NCKAP5: variants seen among roughly 807,000 people sequenced by gnomAD.
The protein encoded by NCKAP5 is NCK associated protein 5, also known as nck-associated protein 5.
A neutral mutation model predicts 167.0 loss-of-function variants in NCKAP5; 92 were observed. That is an observed-to-expected ratio of 0.55 (90% confidence interval 0.47 to 0.66). The LOEUF is 0.66. NCKAP5 is among the 30% of genes least tolerant of loss of function. NCKAP5 has a pLI of 0.00. For missense variants in NCKAP5, 2,378 were observed against 2,315.0 expected, an observed-to-expected ratio of 1.03 and a Z score of -0.56; for synonymous variants, 891 against 877.4, an observed-to-expected ratio of 1.02 and a Z score of -0.27.
intron 8 of NCKAP5, among the ~76,000 whole-genome samples, chr2:132,883,688 G>T (rs1411720644): frequency 1.3e-5 from 2 of 152,164 alleles, no homozygotes; most frequent in Non-Finnish European, 2.9e-5. Context: ...GGTGCCCTCT[G>T]CTTTCCATCT....
chr2:132,677,687 C>T (rs1684670564), intron 19 of NCKAP5, among the ~76,000 whole-genome samples: 1 of 152,024 alleles, frequency 6.6e-6, no homozygotes, highest in African/African-American at 2.4e-5. Context: ...GAGGGTCTCT[C>T]CCTTTGGGGA....
intron 3 of NCKAP5, among the ~76,000 whole-genome samples, chr2:133,361,320 AT>A: frequency 6.6e-6 from 1 of 152,304 alleles, no homozygotes; most frequent in Middle Eastern, 3.4e-3. Context: ...GAGGAAGAAG[AT>A]GTCAAAGTAT....
chr2:132,709,966 T>C (rs72987762), intron 19 of NCKAP5, among the ~76,000 whole-genome samples: 3,522 of 152,220 alleles, frequency 0.023, 123 homozygotes, highest in African/African-American at 0.08. Context: ...TCAATATAGA[T>C]ACAGAAATCT....
intron 17 of NCKAP5, 110 bp from the exon 18 acceptor site, chr2:132,729,062 CA>C: frequency 7.0e-7 from 1 of 1,435,232 alleles, no homozygotes; most frequent in South Asian, 1.3e-5. Flanking sequence ...GGTCCAAATA[CA>C]GTGAAAGCTG....
chr2:133,153,131 G>C (rs570878563), intron 5 of NCKAP5, among the ~76,000 whole-genome samples: 1 of 152,274 alleles, frequency 6.6e-6, no homozygotes, highest in East Asian at 1.9e-4. Context: ...CAGAGCTAGG[G>C]GTCATGGATG....
the NCKAP5 span, among the ~76,000 whole-genome samples, chr2:133,609,117 C>T: frequency 6.6e-6 from 1 of 152,162 alleles, no homozygotes; most frequent in South Asian, 2.1e-4. Flanking sequence ...ATTCACGAGC[C>T]AGGCATCAGA....
intron 3 of NCKAP5, among the ~76,000 whole-genome samples, chr2:133,394,227 C>A (rs566301081): frequency 6.6e-6 from 1 of 152,182 alleles, no homozygotes; most frequent in African/African-American, 2.4e-5. Context: ...TAGGTGCTAG[C>A]GAACTAAAAA....
At chr2:133,021,654 C>T (rs116558895) in intron 6 of NCKAP5, among the ~76,000 whole-genome samples, 2,314 of 152,234 alleles carry the variant, frequency 0.015, 62 homozygotes, top group African/African-American at 0.053. Flanking sequence ...TTTTCAGAGA[C>T]AGAGTCTTGC....
At chr2:133,185,447 C>CT (rs1315604782) in intron 5 of NCKAP5, among the ~76,000 whole-genome samples, 1 of 151,836 alleles carries the variant, frequency 6.6e-6, no homozygotes, top group African/African-American at 2.4e-5. Flanking sequence ...TATTTACGCT[C>CT]TTTTTTGGTT....
intron 11 of NCKAP5, among the ~76,000 whole-genome samples, chr2:132,837,947 A>G (rs1175298552): frequency 6.6e-6 from 1 of 152,174 alleles, no homozygotes; most frequent in Admixed American, 6.5e-5. Flanking sequence ...GCAGCTGGAC[A>G]GAAGAGGTGG....
chr2:132,771,776 C>T (rs553825365), intron 16 of NCKAP5, among the ~76,000 whole-genome samples: 4 of 151,568 alleles, frequency 2.6e-5, no homozygotes, highest in South Asian at 2.1e-4. Context: ...GGGTTCACAC[C>T]GTTCTCCTGC....
rs541313291 is a variant in NCKAP5, at chr2:133,383,411, T to C, written c.70-80301A>G. On this transcript the variant is annotated intron_variant, in intron 3 of 19. Coordinates refer to ENST00000409261, the MANE Select transcript of NCKAP5 (RefSeq NM_207363.3). ...GACATGAACTCATCCTTTTTATGAC[T>C]GCATAGTATTCCATGGTGTATATGT... Among the ~76,000 whole-genome samples the C allele has an allele frequency of 1.8e-4, 28 of 152,348 alleles. No homozygotes were observed. In the South Asian group the frequency reaches 5.6e-3, roughly 30 times the overall value.
At chr2:133,277,603 C>T (rs534700029) in intron 4 of NCKAP5, among the ~76,000 whole-genome samples, 82 of 152,112 alleles carry the variant, frequency 5.4e-4, no homozygotes, top group African/African-American at 1.9e-3. Flanking sequence ...AAAATTAACA[C>T]GATACCAATA....
intron 6 of NCKAP5, among the ~76,000 whole-genome samples, chr2:133,001,780 C>T (rs2077791067): frequency 1.3e-5 from 2 of 152,086 alleles, no homozygotes; most frequent in African/African-American, 4.8e-5. Context: ...CTTGCAAATG[C>T]TGCACAGTTA....
At chr2:133,570,998 T>C (rs1029507236), upstream of NCKAP5, among the ~76,000 whole-genome samples, 4 of 151,832 alleles carry the variant, frequency 2.6e-5, no homozygotes, top group South Asian at 8.3e-4. Context: ...AGAGCCTATG[T>C]TTTTCTTTAG....
chr2:133,225,779 CTT>C (rs1003972708), intron 4 of NCKAP5, among the ~76,000 whole-genome samples: 156 of 39,698 alleles, frequency 3.9e-3, no homozygotes, highest in African/African-American at 0.013. Flanking sequence ...ATGCCCTGTT[CTT>C]TTTTTTTTTT....
At chr2:133,333,488 A>C (rs1201771589) in intron 3 of NCKAP5, among the ~76,000 whole-genome samples, 1 of 152,116 alleles carries the variant, frequency 6.6e-6, no homozygotes, top group Non-Finnish European at 1.5e-5. Context: ...GAGCTCAACA[A>C]ATAGAGTGTG....
At chr2:133,404,679 A>G (rs1688312958) in intron 3 of NCKAP5, among the ~76,000 whole-genome samples, 1 of 152,218 alleles carries the variant, frequency 6.6e-6, no homozygotes, top group African/African-American at 2.4e-5. Flanking sequence ...AAGCAGAAAA[A>G]TGATATCTTT....
chr2:133,609,124 C>T, the NCKAP5 span, among the ~76,000 whole-genome samples: 1 of 152,172 alleles, frequency 6.6e-6, no homozygotes, highest in Admixed American at 6.5e-5. Flanking sequence ...AGCCAGGCAT[C>T]AGAATTCTAT....
Sources: gnomAD v4.1 joint callset for allele counts (sites outside exome capture counted in the v4.1 genomes callset) on GRCh38, gnomAD v4.1.1 for gene constraint, MANE v1.5 for transcripts, NCBI Gene and HGNC (gene_info 2026-07-23, HGNC 2026-07-21) for gene names.